The following RELL1 variants were observed in gnomAD, a reference collection of about 807,000 sequenced individuals.
The protein encoded by RELL1 is RELT like 1, also known as RELT-like protein 1.
A neutral mutation model predicts 23.0 loss-of-function variants in RELL1; 10 were observed. The observed-to-expected ratio is 0.43, with a 90% confidence interval of 0.27 to 0.74. The LOEUF (loss-of-function observed/expected upper bound fraction) is 0.74. RELL1 is among the 30% of genes least tolerant of loss of function. The pLI is 0.19. For synonymous variants in RELL1, 146 were observed against 146.8 expected (o/e 0.99, Z 0.04); for missense variants, 315 against 364.4 (o/e 0.86, Z 1.10).
rs1719366288 is a variant in RELL1 at position 37,611,270 on chromosome 4, C to A, written c.*2076G>T. Reference sequence around the variant, plus strand: ...CTAGACTGCACATATATTATTTACACTAATACATACCCCTAAAAGTCCTAT... The same window carrying A: ...CTAGACTGCACATATATTATTTACAATAATACATACCCCTAAAAGTCCTAT... On this transcript the variant is annotated 3_prime_UTR_variant, in exon 7 of 7. Coordinates refer to ENST00000454158, the MANE Select transcript of RELL1 (RefSeq NM_001085400.2). Among the ~76,000 whole-genome samples the A allele has an allele frequency of 6.6e-6, 1 of 152,164 alleles. No individual in the cohort carries two copies. The highest frequency in any genetic ancestry group is 2.4e-5 in the African/African-American group (1 of 41,420).
intron 6 of RELL1, among the ~76,000 whole-genome samples, chr4:37,594,562 C>A (rs541766040): frequency 3.9e-5 from 6 of 152,216 alleles, no homozygotes; most frequent in African/African-American, 1.4e-4. Context: ...TAACTTTTTA[C>A]TGGGGGAAAA....
chr4:37,684,708 T>C (rs949930068), intron 1 of RELL1, among the ~76,000 whole-genome samples: 1 of 151,894 alleles, frequency 6.6e-6, no homozygotes. Flanking sequence ...ATACCAGCAC[T>C]TTGGGAGGCC....
chr4:37,685,715 T>C (rs1362609483), intron 1 of RELL1, among the ~76,000 whole-genome samples: 1 of 152,208 alleles, frequency 6.6e-6, no homozygotes, highest in East Asian at 1.9e-4. Context: ...AATGGAAACG[T>C]GGAAAGAGAT....
downstream of RELL1, among the ~76,000 whole-genome samples, chr4:37,586,816 A>G (rs2109456469): frequency 6.6e-6 from 1 of 152,316 alleles, no homozygotes; most frequent in East Asian, 1.9e-4. Flanking sequence ...AGGCTGAGGC[A>G]GGAGAATCAC....
intron 1 of RELL1, among the ~76,000 whole-genome samples, chr4:37,658,823 C>T (rs760359680): frequency 2.6e-5 from 4 of 152,174 alleles, no homozygotes; most frequent in Non-Finnish European, 2.9e-5. Context: ...AGAATAAAGC[C>T]TCCACAGACT....
chr4:37,682,188 G>T (rs983564036), intron 1 of RELL1, among the ~76,000 whole-genome samples: 4 of 152,136 alleles, frequency 2.6e-5, no homozygotes, highest in African/African-American at 9.7e-5. Context: ...CACAAACCAG[G>T]TAATAATAAA....
At chr4:37,605,841 A>AAGAAAG (rs1189729270), downstream of RELL1, among the ~76,000 whole-genome samples, 1 of 121,030 alleles carries the variant, frequency 8.3e-6, no homozygotes, top group East Asian at 1.9e-4. Context: ...GAAAGAAAGA[A>AAGAAAG]AGAAGGAAAA....
chr4:37,670,011 G>C (rs1277946496), intron 1 of RELL1, among the ~76,000 whole-genome samples: 2 of 140,492 alleles, frequency 1.4e-5, no homozygotes, highest in Non-Finnish European at 3.0e-5. Flanking sequence ...CCCCCTCTGC[G>C]AGAAACACCC....
intron 3 of RELL1, among the ~76,000 whole-genome samples, chr4:37,642,836 GAAC>G (rs147514964): frequency 0.018 from 2,802 of 152,322 alleles, 37 homozygotes; most frequent in Non-Finnish European, 0.026. Flanking sequence ...AACAACTCTT[GAAC>G]AACAAGATTT....
chr4:37,654,840 C>T (rs1176059086), intron 1 of RELL1, among the ~76,000 whole-genome samples: 1 of 152,114 alleles, frequency 6.6e-6, no homozygotes, highest in Non-Finnish European at 1.5e-5. Context: ...CAAAACCTTA[C>T]ATGCAATATG....
chr4:37,686,195 C>T lies in RELL1; in HGVS notation c.88+5G>A. On this transcript the variant is annotated splice_donor_5th_base_variant and intron_variant, in intron 1 of 6. Coordinates refer to ENST00000454158, the MANE Select transcript of RELL1 (RefSeq NM_001085400.2). ...CCGGCGCCCCGGCTACGACCGGACA[C>T]TCACCCGGAGCCACCAGCGGCGAAC... is the stretch of plus-strand genomic sequence containing the variant. 2 of 1,577,518 alleles carry T rather than the reference C, an allele frequency of 1.3e-6. No individual in the cohort carries two copies. The highest frequency in any genetic ancestry group is 2.3e-5 in the South Asian group (2 of 88,492).
chr4:37,590,932 G>A, exon 7 of RELL1: 2 of 1,614,242 alleles, frequency 1.2e-6, no homozygotes, highest in Non-Finnish European at 1.7e-6. Context: ...CGAGGATGCA[G>A]CGGTGGCGGA....
rs138534235 is a variant in RELL1 at position 37,633,506 on chromosome 4, G to A, written c.680+1381C>T. Among the ~76,000 whole-genome samples the A allele has an allele frequency of 7.5e-3, 1,088 of 145,146 alleles. 7 individuals carry two copies. Among genetic ancestry groups the A allele is most frequent in the Admixed American group, 0.013 (181 of 14,318 alleles). On this transcript the variant is annotated intron_variant, in intron 5 of 6. Transcript: ENST00000454158. ...TTTTTTTTTAAGGCCAACAAAACAT[G>A]CTTTGTCCAAACAAGCTACAGGTTC...
intron 6 of RELL1, among the ~76,000 whole-genome samples, chr4:37,595,761 G>A (rs1355465926): frequency 6.6e-6 from 1 of 152,152 alleles, no homozygotes; most frequent in Non-Finnish European, 1.5e-5. Context: ...GGCAGCTGCT[G>A]AAGGTTTGGT....
intron 1 of RELL1, among the ~76,000 whole-genome samples, chr4:37,676,770 C>G (rs1722035255): frequency 6.6e-6 from 1 of 152,192 alleles, no homozygotes; most frequent in Non-Finnish European, 1.5e-5. Context: ...AACAGTAACT[C>G]TTCACTTTAT....
intron 6 of RELL1, among the ~76,000 whole-genome samples, chr4:37,618,929 G>C (rs1403697321): frequency 6.6e-6 from 1 of 152,112 alleles, no homozygotes; most frequent in Admixed American, 6.6e-5. Context: ...GCCCAGGCTG[G>C]AGTGCAATGG....
chr4:37,650,844 A>T (rs1342710387), intron 1 of RELL1, among the ~76,000 whole-genome samples: 3 of 151,196 alleles, frequency 2.0e-5, no homozygotes, highest in African/African-American at 7.3e-5. Context: ...GAATCACTTG[A>T]GGTCAGGAGT....
chr4:37,660,811 C>T (rs1369315029), intron 1 of RELL1, among the ~76,000 whole-genome samples: 9 of 152,086 alleles, frequency 5.9e-5, no homozygotes, highest in Non-Finnish European at 1.0e-4. Flanking sequence ...GCGGGCAGAT[C>T]ACAAGGTCAG....
chr4:37,604,798 G>GACAC (rs368655689), intron 6 of RELL1, among the ~76,000 whole-genome samples: 7 of 116,338 alleles, frequency 6.0e-5, no homozygotes, highest in Non-Finnish European at 9.1e-5. Context: ...CACACACACA[G>GACAC]ACACACACAC....
Sources: gnomAD v4.1 joint callset for allele counts (sites outside exome capture counted in the v4.1 genomes callset) on GRCh38, gnomAD v4.1.1 for gene constraint, MANE v1.5 for transcripts, NCBI Gene and HGNC (gene_info 2026-07-23, HGNC 2026-07-21) for gene names.